Variants in EPSTI1 observed in about 807,000 individuals in gnomAD.
EPSTI1 encodes epithelial stromal interaction 1, also known as epithelial-stromal interaction protein 1.
EPSTI1 carries 66 observed loss-of-function variants against 49.9 expected under a neutral mutation model. That is an observed-to-expected ratio of 1.32 (90% CI 1.08 to 1.62). The LOEUF is 1.62. Ranked by LOEUF, EPSTI1 falls within the 40% of genes most tolerant of loss-of-function variation. The pLI is 0.00. For missense variants in EPSTI1, 394 were observed against 365.5 expected, an observed-to-expected ratio of 1.08 and a Z score of -0.64; for synonymous variants, 137 against 130.7, an observed-to-expected ratio of 1.05 and a Z score of -0.33.
chr13:42,954,394 G>A (rs1484977439), intron 5 of EPSTI1, among the ~76,000 whole-genome samples: 1 of 152,138 alleles, frequency 6.6e-6, no homozygotes, highest in Admixed American at 6.6e-5. Flanking sequence ...TATAATAAAT[G>A]GTTAAACAGC....
intron 1 of EPSTI1, among the ~76,000 whole-genome samples, chr13:42,980,392 A>G (rs1183922418): frequency 6.6e-6 from 1 of 152,206 alleles, no homozygotes; most frequent in Non-Finnish European, 1.5e-5. Context: ...TTTATAAAGA[A>G]AAAGAGGTTT....
At chr13:42,919,284 C>A in intron 7 of EPSTI1, 1 of 1,613,214 alleles carries the variant, frequency 6.2e-7, no homozygotes, top group Non-Finnish European at 8.5e-7. Flanking sequence ...TACTTGCAAT[C>A]CTAATGTTTG....
At chr13:42,986,744 CAAAAAAAAAAAAA>C (rs71099813) in intron 1 of EPSTI1, among the ~76,000 whole-genome samples, 2 of 80,814 alleles carry the variant, frequency 2.5e-5, no homozygotes, top group Admixed American at 3.1e-4. Context: ...GATTCCATCT[CAAAAAAAAAAAAA>C]AAAAAAAAAA....
At chr13:42,964,839 T>C (rs2039559602) in intron 3 of EPSTI1, among the ~76,000 whole-genome samples, 1 of 152,226 alleles carries the variant, frequency 6.6e-6, no homozygotes, top group Non-Finnish European at 1.5e-5. Flanking sequence ...AATTACCATT[T>C]AGGGAATTCT....
At chr13:42,905,165 GGAA>G (rs2037463824) in intron 8 of EPSTI1, among the ~76,000 whole-genome samples, 1 of 152,078 alleles carries the variant, frequency 6.6e-6, no homozygotes. Flanking sequence ...CTGTTAGGGA[GGAA>G]GAAAAGACGG....
intron 8 of EPSTI1, among the ~76,000 whole-genome samples, chr13:42,902,524 T>C (rs2037389929): frequency 6.6e-6 from 1 of 152,224 alleles, no homozygotes; most frequent in Non-Finnish European, 1.5e-5. Context: ...TGTTGGCTTA[T>C]GGCTTTTTAA....
At chr13:42,959,763 T>C (rs912695999) in intron 5 of EPSTI1, among the ~76,000 whole-genome samples, 4 of 152,228 alleles carry the variant, frequency 2.6e-5, no homozygotes, top group African/African-American at 9.6e-5. Context: ...CTGAATTCTC[T>C]GAGGTTATGA....
chr13:42,929,769 G>A (rs2038302801), intron 6 of EPSTI1, among the ~76,000 whole-genome samples: 2 of 152,198 alleles, frequency 1.3e-5, no homozygotes, highest in Admixed American at 1.3e-4. Context: ...TGAGCTTAGT[G>A]GTTGATGCAT....
chr13:42,977,173 T>C (rs1293833209), intron 1 of EPSTI1, among the ~76,000 whole-genome samples: 1 of 152,248 alleles, frequency 6.6e-6, no homozygotes, highest in Non-Finnish European at 1.5e-5. Context: ...GGGCTACATT[T>C]AAACTTTTCT....
intron 5 of EPSTI1, among the ~76,000 whole-genome samples, chr13:42,958,599 C>T (rs2039345718): frequency 6.6e-6 from 1 of 151,958 alleles, no homozygotes; most frequent in Admixed American, 6.6e-5. Context: ...CTGATTCCTC[C>T]TGAGATAGGA....
intron 7 of EPSTI1, among the ~76,000 whole-genome samples, chr13:42,924,643 T>G (rs1286155662): frequency 6.6e-6 from 1 of 152,136 alleles, no homozygotes; most frequent in Non-Finnish European, 1.5e-5. Context: ...CATCTACACA[T>G]GATTTAACTC....
intron 1 of EPSTI1, among the ~76,000 whole-genome samples, chr13:42,971,189 G>T (rs1226198630): frequency 6.6e-6 from 1 of 152,196 alleles, no homozygotes; most frequent in Non-Finnish European, 1.5e-5. Context: ...GACACAGGTT[G>T]AGCATAATCA....
At chr13:42,978,928 T>A (rs895558959) in intron 1 of EPSTI1, among the ~76,000 whole-genome samples, 29 of 152,212 alleles carry the variant, frequency 1.9e-4, no homozygotes, top group Admixed American at 3.9e-4. Context: ...TTTCTTTATA[T>A]CCCTGTTTCT....
Position 42,960,547 on chromosome 13 carries a change from A to AT in EPSTI1, c.489+2707dup, listed in dbSNP as rs1187780037. Among the ~76,000 whole-genome samples the AT allele has an allele frequency of 7.2e-5, 11 of 152,340 alleles. No homozygotes were observed. The South Asian group carries it at 1.2e-3, about 17-fold the overall frequency. On this transcript the variant is annotated intron_variant, in intron 5 of 10. Coordinates refer to ENST00000313624, the MANE Select transcript of EPSTI1 (RefSeq NM_033255.5). ...ATCATTATAAAACCACATGAGTAGTATTAGTTTCCTATTGCTGGTATAATA... is the reference window on the plus strand; with the variant it reads ...ATCATTATAAAACCACATGAGTAGTATTTAGTTTCCTATTGCTGGTATAATA...
intron 8 of EPSTI1, among the ~76,000 whole-genome samples, chr13:42,905,486 G>A (rs762944911): frequency 1.5e-4 from 23 of 152,116 alleles, no homozygotes; most frequent in South Asian, 4.1e-4. Flanking sequence ...CATATTCTTG[G>A]TTCATTTACT....
At chr13:42,893,754 A>G (rs1176204951) in intron 10 of EPSTI1, among the ~76,000 whole-genome samples, 1 of 152,212 alleles carries the variant, frequency 6.6e-6, no homozygotes, top group Admixed American at 6.5e-5. Flanking sequence ...AGAAGAAATG[A>G]CAACCATACA....
At chr13:42,968,888 T>G (rs1396300856) in intron 3 of EPSTI1, among the ~76,000 whole-genome samples, 2 of 130,408 alleles carry the variant, frequency 1.5e-5, no homozygotes, top group Admixed American at 8.9e-5. Context: ...ATTACAGGTT[T>G]GCTACTTGCA....
intron 8 of EPSTI1, among the ~76,000 whole-genome samples, chr13:42,915,119 T>C (rs1333358090): frequency 6.6e-6 from 1 of 152,182 alleles, no homozygotes; most frequent in Non-Finnish European, 1.5e-5. Flanking sequence ...AACAAACACA[T>C]AAATGGATGC....
chr13:42,891,875 C>T (rs1255334020), intron 10 of EPSTI1, among the ~76,000 whole-genome samples: 1 of 152,068 alleles, frequency 6.6e-6, no homozygotes, highest in Non-Finnish European at 1.5e-5. Flanking sequence ...ACAAAACATA[C>T]AAGGAAATTA....
Sources: allele counts gnomAD v4.1 joint callset (sites outside exome capture counted in the v4.1 genomes callset), GRCh38; gene constraint gnomAD v4.1.1; transcripts MANE v1.5; gene names NCBI Gene and HGNC (gene_info 2026-07-23, HGNC 2026-07-21).